PRKN: variants seen among roughly 807,000 people sequenced by gnomAD.
PRKN encodes the protein E3 ubiquitin-protein ligase parkin.
PRKN carries 56 observed loss-of-function variants against 59.5 expected under a neutral mutation model. That is an observed-to-expected ratio of 0.94 (90% CI 0.76 to 1.18). The LOEUF is 1.18. Ranked by LOEUF, PRKN falls within the 50% of genes most tolerant of loss-of-function variation. The pLI, the probability that PRKN is intolerant of heterozygous loss-of-function variation, is 0.00. For missense variants in PRKN, 657 were observed against 596.4 expected (o/e 1.10, Z -1.06); for synonymous variants, 250 against 222.1 (o/e 1.13, Z -1.12).
chr6:161,987,642 TTTG>T (rs1322548785), intron 5 of PRKN, among the ~76,000 whole-genome samples: 1 of 152,234 alleles, frequency 6.6e-6, no homozygotes, highest in Non-Finnish European at 1.5e-5. Context: ...TGTGTTATTT[TTTG>T]TTTTTATTTT....
intron 2 of PRKN, among the ~76,000 whole-genome samples, chr6:162,431,367 C>T (rs147294549): frequency 1.1e-4 from 17 of 152,146 alleles, no homozygotes; most frequent in East Asian, 3.9e-4. Context: ...GTTGTCAGTC[C>T]TTTACATTTA....
At chr6:162,519,902 C>G (rs1331958487) in intron 1 of PRKN, among the ~76,000 whole-genome samples, 1 of 152,152 alleles carries the variant, frequency 6.6e-6, no homozygotes, top group Non-Finnish European at 1.5e-5. Context: ...AAATTGCATT[C>G]TGTGAATCAA....
chr6:161,377,443 G>A lies in PRKN; in HGVS notation c.1167+9351C>T, dbSNP rs1168923631. Among the ~76,000 whole-genome samples, 2 of 152,260 alleles carry A rather than the reference G, an allele frequency of 1.3e-5. No homozygotes were observed. The highest frequency in any genetic ancestry group is 2.9e-5 in the Non-Finnish European group (2 of 68,046). On this transcript the variant is annotated intron_variant, in intron 10 of 11. Coordinates refer to ENST00000366898, the MANE Select transcript of PRKN (RefSeq NM_004562.3). The surrounding 1 kb of genome is among the most constrained non-coding windows in gnomAD (Gnocchi z 4.2). ...GGGGAGATTCCTTATGACACACTGA[G>A]GGATCCAAGCTTGGTTCACAATTGA...
At chr6:161,972,487 C>T (rs962110882) in intron 6 of PRKN, among the ~76,000 whole-genome samples, 27 of 152,296 alleles carry the variant, frequency 1.8e-4, no homozygotes, top group African/African-American at 6.5e-4. Flanking sequence ...TTGGCTCCTA[C>T]ACCGCAATTC....
chr6:162,251,790 T>C (rs1779447130), intron 3 of PRKN, among the ~76,000 whole-genome samples: 1 of 152,202 alleles, frequency 6.6e-6, no homozygotes, highest in Admixed American at 6.5e-5. Context: ...ATGTGGTGTC[T>C]TTCCATGCCA....
chr6:162,143,751 G>C (rs1781884442), intron 4 of PRKN, among the ~76,000 whole-genome samples: 1 of 152,198 alleles, frequency 6.6e-6, no homozygotes, highest in Non-Finnish European at 1.5e-5. Flanking sequence ...TATTCTGTCT[G>C]CATGGGTTTC....
intron 7 of PRKN, among the ~76,000 whole-genome samples, chr6:161,727,251 C>A (rs1340190041): frequency 6.6e-6 from 1 of 152,130 alleles, no homozygotes; most frequent in East Asian, 1.9e-4. Flanking sequence ...TCCAACCAAC[C>A]CCTGCAGGGC....
chr6:161,723,532 G>A (rs1787314826), intron 7 of PRKN, among the ~76,000 whole-genome samples: 1 of 152,036 alleles, frequency 6.6e-6, no homozygotes, highest in African/African-American at 2.4e-5. Flanking sequence ...TTGGCGGCTG[G>A]GAGAAATGAC....
At chr6:161,975,081 ACTT>A (rs1233374363) in intron 5 of PRKN, among the ~76,000 whole-genome samples, 11 of 146,716 alleles carry the variant, frequency 7.5e-5, no homozygotes, top group South Asian at 2.1e-4. Context: ...CATGACATAT[ACTT>A]CTTTTTTTTT....
chr6:161,426,739 G>C (rs996273551), intron 9 of PRKN, among the ~76,000 whole-genome samples: 2 of 150,820 alleles, frequency 1.3e-5, no homozygotes, highest in African/African-American at 4.9e-5. Flanking sequence ...TATTTGTTGA[G>C]ACAGAGTCTC....
At chr6:162,366,897 C>T (rs1002587157) in intron 2 of PRKN, among the ~76,000 whole-genome samples, 1 of 152,124 alleles carries the variant, frequency 6.6e-6, no homozygotes, top group Non-Finnish European at 1.5e-5. Flanking sequence ...GAAACTCCAT[C>T]TCAAAATAAA....
chr6:161,509,595 A>C (rs1369519401), intron 9 of PRKN, among the ~76,000 whole-genome samples: 1 of 150,132 alleles, frequency 6.7e-6, no homozygotes, highest in Non-Finnish European at 1.5e-5. Context: ...AAAAAGAAAA[A>C]AAGGCTGGGC....
At chr6:162,091,144 G>T in intron 4 of PRKN, among the ~76,000 whole-genome samples, 2 of 147,446 alleles carry the variant, frequency 1.4e-5, no homozygotes, top group African/African-American at 2.5e-5. Context: ...GCATATTACT[G>T]TTACATGATT....
At chr6:162,538,743 A>C (rs1778812982) in intron 1 of PRKN, among the ~76,000 whole-genome samples, 1 of 152,212 alleles carries the variant, frequency 6.6e-6, no homozygotes, top group Non-Finnish European at 1.5e-5. Context: ...AGATTTCAAA[A>C]AGCACTGTCG....
intron 1 of PRKN, among the ~76,000 whole-genome samples, chr6:162,552,967 T>G (rs1779389477): frequency 6.6e-6 from 1 of 152,068 alleles, no homozygotes; most frequent in African/African-American, 2.4e-5. Flanking sequence ...GGAGAGAGGC[T>G]GCGTAAGAAC....
intron 7 of PRKN, among the ~76,000 whole-genome samples, chr6:161,663,289 T>C (rs1456558662): frequency 6.6e-6 from 1 of 152,100 alleles, no homozygotes; most frequent in Non-Finnish European, 1.5e-5. Context: ...GGGAGTGAAA[T>C]CCTAGCTCTG....
chr6:162,397,361 G>A (rs141500361), intron 2 of PRKN, among the ~76,000 whole-genome samples: 27 of 152,180 alleles, frequency 1.8e-4, no homozygotes, highest in African/African-American at 6.3e-4. Flanking sequence ...ATTAATGCCA[G>A]GAACTCAAAT....
intron 1 of PRKN, chr6:162,568,762 C>T (rs772336624): frequency 4.3e-5 from 32 of 743,864 alleles, no homozygotes; most frequent in Non-Finnish European, 6.9e-5. Flanking sequence ...AGGGGGCAGC[C>T]GGACACTCTG....
chr6:161,745,431 C>T (rs551813199), intron 7 of PRKN, among the ~76,000 whole-genome samples: 10 of 152,110 alleles, frequency 6.6e-5, no homozygotes, highest in South Asian at 6.2e-4. Context: ...CCTAACCAGG[C>T]GACAAGGAGA....
Sources: allele counts gnomAD v4.1 joint callset (sites outside exome capture counted in the v4.1 genomes callset), GRCh38; gene constraint gnomAD v4.1.1; non-coding constraint Gnocchi (gnomAD v3.1); transcripts MANE v1.5; gene names NCBI Gene and HGNC (gene_info 2026-07-23, HGNC 2026-07-21).